PSME4: variants seen among roughly 807,000 people sequenced by gnomAD.
PSME4 encodes the protein proteasome activator complex subunit 4.
In PSME4, 89 loss-of-function variants were observed where a neutral mutation model predicts 253.9. The ratio of observed to expected loss-of-function variants is 0.35; its 90% CI spans 0.30 to 0.42. The LOEUF is 0.42. PSME4 is among the 10% of genes least tolerant of loss of function. The probability of loss-of-function intolerance (pLI) is 1.00; values close to 1 mark genes in which losing one functional copy is unlikely to be tolerated. For missense variants in PSME4, 2,014 were observed against 2,195.2 expected, an observed-to-expected ratio of 0.92 and a Z score of 1.65; for synonymous variants, 851 against 759.2, an observed-to-expected ratio of 1.12 and a Z score of -1.99.
At chr2:53,898,278 T>C (rs762043983) in intron 30 of PSME4, 23 bp downstream of exon 30, 6 of 1,589,984 alleles carry the variant, frequency 3.8e-6, no homozygotes, top group Non-Finnish European at 4.3e-6. Context: ...GCTGTGAGAA[T>C]TACAAAAATC....
intron 1 of PSME4, among the ~76,000 whole-genome samples, chr2:53,959,389 C>G (rs1314554829): frequency 6.6e-6 from 1 of 151,942 alleles, no homozygotes; most frequent in Non-Finnish European, 1.5e-5. Flanking sequence ...GGAAAAAAAG[C>G]TGCTTAATCC....
chr2:53,924,816 T>C (rs1341315373), intron 14 of PSME4, among the ~76,000 whole-genome samples: 1 of 152,148 alleles, frequency 6.6e-6, no homozygotes, highest in Non-Finnish European at 1.5e-5. Flanking sequence ...TTCTATAAAT[T>C]TGCTGTGACC....
intron 8 of PSME4, 177 bp from the exon 9 acceptor site, chr2:53,932,937 C>G: frequency 1.8e-6 from 1 of 549,614 alleles, no homozygotes; most frequent in Non-Finnish European, 3.2e-6. Context: ...TTCATGCAAA[C>G]CAACTCAAAA....
intron 3 of PSME4, among the ~76,000 whole-genome samples, chr2:53,945,874 T>C (rs533278360): frequency 6.6e-6 from 1 of 152,166 alleles, no homozygotes; most frequent in South Asian, 2.1e-4. Flanking sequence ...TGAGTATAGG[T>C]AGGTTATATG....
Position 53,970,557 on chromosome 2 carries a change from G to A in PSME4, c.228C>T (p.Thr76=), listed in dbSNP as rs1671021484. 14 of 1,547,900 alleles carry A rather than the reference G, an allele frequency of 9.0e-6. No homozygotes were observed. The highest frequency in any genetic ancestry group is 1.1e-5 in the Non-Finnish European group (13 of 1,146,732). The change falls in exon 1 of 47, where the codon ACC becomes ACT. Residue 76 remains threonine, a synonymous_variant. Coordinates refer to ENST00000404125, the MANE Select transcript of PSME4 (RefSeq NM_014614.3). ...GGCACACTTACGTGGAGAGTTTCCT[G>A]GTCCAGAAGAGGCCCCCGGGCCACA... The part of the protein sequence containing the change: ...QELWPGGLFW[T]RKLSTYIRLY...
chr2:53,888,022 G>T, intron 38 of PSME4, 33 bp from the exon 39 acceptor site: 1 of 1,582,126 alleles, frequency 6.3e-7, no homozygotes, highest in Non-Finnish European at 8.6e-7. Context: ...TTATATTGGA[G>T]GCCCTTTCTG....
At chr2:53,899,341 C>G (rs558896754) in intron 29 of PSME4, among the ~76,000 whole-genome samples, 2 of 152,060 alleles carry the variant, frequency 1.3e-5, no homozygotes, top group East Asian at 3.9e-4. Context: ...GCTGGGATAA[C>G]AGGCATAAGC....
intron 1 of PSME4, among the ~76,000 whole-genome samples, chr2:53,957,283 T>A (rs1346967224): frequency 1.3e-5 from 2 of 152,198 alleles, no homozygotes; most frequent in Non-Finnish European, 2.9e-5. Flanking sequence ...GGACATTATA[T>A]TTATTGTGCA....
chr2:53,948,206 G>A (rs575916097), intron 3 of PSME4, among the ~76,000 whole-genome samples: 1 of 152,214 alleles, frequency 6.6e-6, no homozygotes, highest in African/African-American at 2.4e-5. Context: ...GAGGCAGGAT[G>A]TAGGTGCAAG....
At chr2:53,868,102 A>T (rs1678660685) in intron 44 of PSME4, among the ~76,000 whole-genome samples, 1 of 152,072 alleles carries the variant, frequency 6.6e-6, no homozygotes, top group Non-Finnish European at 1.5e-5. Context: ...CAAAATTGTG[A>T]ACAATATCAT....
At chr2:53,867,619 T>C (rs889662784) in intron 44 of PSME4, among the ~76,000 whole-genome samples, 10 of 138,332 alleles carry the variant, frequency 7.2e-5, no homozygotes, top group Non-Finnish European at 1.4e-4. Context: ...CAGTGAGCCA[T>C]ATTCAAAACC....
chr2:53,912,881 T>C (rs555859484), intron 20 of PSME4, among the ~76,000 whole-genome samples: 12 of 152,226 alleles, frequency 7.9e-5, no homozygotes, highest in Non-Finnish European at 1.6e-4. Context: ...CAGGATGTAA[T>C]CTGTGATATA....
chr2:53,959,231 G>A (rs749873407), intron 1 of PSME4, among the ~76,000 whole-genome samples: 3 of 152,026 alleles, frequency 2.0e-5, no homozygotes, highest in Admixed American at 6.6e-5. Flanking sequence ...ATGTACAGGT[G>A]GTGTGCACCT....
chr2:53,871,208 G>A (rs1333279143), intron 43 of PSME4, among the ~76,000 whole-genome samples: 1 of 152,066 alleles, frequency 6.6e-6, no homozygotes, highest in Non-Finnish European at 1.5e-5. Context: ...CTGGTCATTG[G>A]GAGGTGTGAC....
intron 44 of PSME4, among the ~76,000 whole-genome samples, chr2:53,867,809 A>G (rs1363659434): frequency 4.0e-5 from 6 of 150,582 alleles, no homozygotes; most frequent in Admixed American, 2.6e-4. Flanking sequence ...TTTTTTCTGG[A>G]TGTGACGCCC....
At chr2:53,949,116 A>T in intron 2 of PSME4, 27 bp downstream of exon 2, 1 of 1,557,024 alleles carries the variant, frequency 6.4e-7, no homozygotes. Flanking sequence ...AACAAACCTT[A>T]ACAGAAACCT....
At chr2:53,917,354 T>G (rs941525481) in intron 20 of PSME4, 1 of 152,286 alleles carries the variant, frequency 6.6e-6, no homozygotes, top group African/African-American at 2.4e-5. Flanking sequence ...ATTCTTTTCC[T>G]TATTAAAATG....
At position 53,906,679 on chromosome 2, in the gene PSME4, AGTTAGTGTCC is replaced by A; in HGVS notation, c.2852_2861del (p.Arg951LeufsTer14). On this transcript the variant is annotated frameshift_variant, in exon 26 of 47. Coordinates refer to ENST00000404125, the MANE Select transcript of PSME4 (RefSeq NM_014614.3). LOFTEE classifies it high-confidence loss of function. ...TCTTTTTGTATTCACAACCCTCAACAGTTAGTGTCCGTAGCTAAGAAAACAATCGCAAACA... is the reference window on the plus strand; with the variant it reads ...TCTTTTTGTATTCACAACCCTCAACAGTAGCTAAGAAAACAATCGCAAACA... 1 of 1,600,924 alleles carries A rather than the reference AGTTAGTGTCC, an allele frequency of 6.2e-7. No individual in the cohort carries two copies. Among genetic ancestry groups the A allele is most frequent in the Non-Finnish European group, 8.5e-7 (1 of 1,175,294 alleles).
intron 1 of PSME4, among the ~76,000 whole-genome samples, chr2:53,957,775 G>A (rs1357320704): frequency 6.6e-6 from 1 of 152,164 alleles, no homozygotes; most frequent in African/African-American, 2.4e-5. Context: ...AAGACATTAT[G>A]CATCTCCTGA....
Sources: allele counts gnomAD v4.1 joint callset (sites outside exome capture counted in the v4.1 genomes callset), GRCh38; gene constraint gnomAD v4.1.1; transcripts MANE v1.5; gene names NCBI Gene and HGNC (gene_info 2026-07-23, HGNC 2026-07-21).